Variants in GPAT4 observed in about 807,000 individuals in gnomAD.
GPAT4 encodes the protein 1-AGP acyltransferase 6.
In GPAT4, 17 loss-of-function variants were observed where a neutral mutation model predicts 58.0. The observed-to-expected ratio is 0.29, with a 90% CI of 0.20 to 0.44. The LOEUF (loss-of-function observed/expected upper bound fraction) is 0.44, where lower values mean the gene tolerates loss of function less well. Ranked by LOEUF, GPAT4 falls within the 20% of genes least tolerant of loss-of-function variation. The probability of loss-of-function intolerance (pLI) is 1.00; values close to 1 mark genes in which losing one functional copy is unlikely to be tolerated. For missense variants in GPAT4, 377 were observed against 574.5 expected (o/e 0.66, Z 3.51); for synonymous variants, 204 against 210.1 (o/e 0.97, Z 0.25).
At chr8:41,590,834 C>T (rs146047293) in intron 1 of GPAT4, among the ~76,000 whole-genome samples, 27 of 152,332 alleles carry the variant, frequency 1.8e-4, no homozygotes, top group African/African-American at 5.5e-4. Flanking sequence ...GGGTCTGCAG[C>T]TACCTCTCTC....
intron 6 of GPAT4, 41 bp from the exon 7 acceptor site, chr8:41,612,139 T>G: frequency 6.2e-7 from 1 of 1,602,594 alleles, no homozygotes; most frequent in Non-Finnish European, 8.6e-7. Context: ...ATGAACTGTT[T>G]CACACTAATT....
At chr8:41,618,549 A>G in intron 10 of GPAT4, 135 bp from the exon 11 acceptor site, 1 of 1,114,470 alleles carries the variant, frequency 9.0e-7, no homozygotes, top group Non-Finnish European at 1.3e-6. Context: ...GGGCTTCCAC[A>G]GTACTCATGC....
chr8:41,603,337 G>C (rs934462452), intron 2 of GPAT4, among the ~76,000 whole-genome samples: 1 of 152,046 alleles, frequency 6.6e-6, no homozygotes, highest in Admixed American at 6.5e-5. Context: ...GACCAGCCTG[G>C]TCAACATTGT....
chr8:41,624,260 G>A lies in GPAT4; in HGVS notation c.*3259G>A, dbSNP rs1468431199. ...GCCTTTCAGAGAAGAGGCTTGATGT[G>A]TGAGGGGTCAGGGGGAGTGCTCCAG... On this transcript the variant is annotated 3_prime_UTR_variant, in exon 13 of 13. Transcript: ENST00000396987. The A allele has an allele frequency of 6.6e-6, 1 of 152,292 alleles. No homozygotes were observed. The highest frequency in any genetic ancestry group is 2.4e-5 in the African/African-American group (1 of 41,466). The allele number at this position is 152,292 out of a possible 1,614,324, so 9.4% of individuals were successfully genotyped here.
chr8:41,595,687 A>G (rs533452579), intron 1 of GPAT4, among the ~76,000 whole-genome samples: 222 of 151,910 alleles, frequency 1.5e-3, no homozygotes, highest in African/African-American at 4.6e-3. Context: ...AACTACTTGT[A>G]TATCTCTTTC....
rs766200778 is a variant in GPAT4, at chr8:41,614,456, G to A, written c.967+15G>A. The A allele has an allele frequency of 9.9e-6, 16 of 1,613,952 alleles. No homozygotes were observed. The South Asian group carries it at 1.8e-4, about 18-fold the overall frequency. On this transcript the variant is annotated intron_variant, in intron 9 of 12. Transcript: ENST00000396987. ...CTTCCCAGAAGGTAAGAAGGGGTTG[G>A]TTGCCACGAAGGGCTTCTGTGGGGA...
intron 8 of GPAT4, among the ~76,000 whole-genome samples, chr8:41,613,962 G>A (rs1326542212): frequency 6.6e-6 from 1 of 152,208 alleles, no homozygotes; most frequent in Non-Finnish European, 1.5e-5. Context: ...CTTCCATAGA[G>A]ACAGATGAAC....
intron 5 of GPAT4, 109 bp downstream of exon 5, chr8:41,610,919 T>G (rs1803422794): frequency 6.0e-6 from 7 of 1,160,102 alleles, no homozygotes; most frequent in Non-Finnish European, 7.1e-6. Flanking sequence ...CCATGGAATC[T>G]TAGATGGATT....
rs755553924 is a variant in GPAT4 at position 41,614,380 on chromosome 8, T to C, written c.912-6T>C. 4.7e-5 allele frequency: 76 copies of C among 1,613,524 alleles called. No homozygotes were observed. The highest frequency in any genetic ancestry group is 6.3e-5 in the Non-Finnish European group (74 of 1,179,708). The stretch of plus-strand genomic sequence containing the variant: ...TGACCCTTTATTTTATTTTCTTCTT[T>C]GAAAGACTGACTGAACATGTGCAAG... On this transcript the variant is annotated splice_polypyrimidine_tract_variant and splice_region_variant and intron_variant, in intron 8 of 12. Coordinates refer to ENST00000396987, the MANE Select transcript of GPAT4 (RefSeq NM_178819.4).
intron 1 of GPAT4, among the ~76,000 whole-genome samples, chr8:41,593,383 G>A (rs1802844581): frequency 6.6e-6 from 1 of 152,208 alleles, no homozygotes; most frequent in African/African-American, 2.4e-5. Flanking sequence ...CAAAAAGACA[G>A]TTTTAACTTT....
intron 1 of GPAT4, among the ~76,000 whole-genome samples, chr8:41,593,600 A>G (rs1802850151): frequency 6.6e-6 from 1 of 152,126 alleles, no homozygotes; most frequent in Non-Finnish European, 1.5e-5. Flanking sequence ...CTCGGGTGTG[A>G]TGAGTCCATC....
At chr8:41,587,640 A>G (rs1802690709) in intron 1 of GPAT4, among the ~76,000 whole-genome samples, 2 of 152,306 alleles carry the variant, frequency 1.3e-5, no homozygotes, top group Middle Eastern at 6.8e-3. Context: ...TGCGCACTGC[A>G]CTAGATGCCA....
At chr8:41,604,914 G>C (rs1803216923) in intron 2 of GPAT4, among the ~76,000 whole-genome samples, 1 of 152,166 alleles carries the variant, frequency 6.6e-6, no homozygotes, top group Non-Finnish European at 1.5e-5. Flanking sequence ...TTTAGAGAGT[G>C]GGAGTATTAA....
At chr8:41,578,674 C>G (rs1802429893) in intron 1 of GPAT4, 1 of 152,320 alleles carries the variant, frequency 6.6e-6, no homozygotes, top group Admixed American at 6.5e-5. Context: ...CCCTGTCATT[C>G]CCCTTCCTGT....
Position 41,607,277 on chromosome 8 carries a change from G to A in GPAT4, c.166-2139G>A, listed in dbSNP as rs574957054. ...GGGCAATTTTTTCCTAAACACAGAC[G>A]TGTTTTGTCATGTTCCTGAAATTAA... On this transcript the variant is annotated intron_variant, in intron 2 of 12. Coordinates refer to ENST00000396987, the MANE Select transcript of GPAT4 (RefSeq NM_178819.4). 1.0e-3 allele frequency among the ~76,000 whole-genome samples: 158 copies of A among 152,172 alleles called. 1 individual carries two copies. The highest frequency in any genetic ancestry group is 2.1e-3 in the Non-Finnish European group (141 of 68,012).
At chr8:41,612,359 A>T (rs1381054759) in intron 7 of GPAT4, 86 bp downstream of exon 7, 1 of 1,366,634 alleles carries the variant, frequency 7.3e-7, no homozygotes, top group Non-Finnish European at 1.0e-6. Flanking sequence ...CCCTTCACAT[A>T]AACACATTTA....
chr8:41,617,918 TC>T (rs545441520), intron 10 of GPAT4, among the ~76,000 whole-genome samples: 6 of 152,230 alleles, frequency 3.9e-5, no homozygotes, highest in Non-Finnish European at 8.8e-5. Context: ...TTGCGCAACT[TC>T]CTCTAGAGCT....
At chr8:41,586,152 A>G (rs1272129689) in intron 1 of GPAT4, among the ~76,000 whole-genome samples, 4 of 148,824 alleles carry the variant, frequency 2.7e-5, no homozygotes, top group East Asian at 4.0e-4. Context: ...AGATTTGCCT[A>G]TTTTGTATAA....
Position 41,619,300 on chromosome 8 carries a change from G to C in GPAT4, c.1262+323G>C, listed in dbSNP as rs189114453. ...ATCTGAAAACTTCAAGAAGGAAGGA[G>C]GACTTTCCCAGGTCCCAGTGTATCT... On this transcript the variant is annotated intron_variant, in intron 12 of 12. Transcript: ENST00000396987. 1.1e-3 allele frequency: 419 copies of C among 366,212 alleles called. 3 individuals are homozygous for C. The highest frequency in any genetic ancestry group is 7.7e-3 in the African/African-American group (380 of 49,118). 22.7% of individuals were successfully genotyped at this position (366,212 alleles called of 1,614,324 possible).
Sources: allele counts gnomAD v4.1 joint callset (sites outside exome capture counted in the v4.1 genomes callset), GRCh38; gene constraint gnomAD v4.1.1; transcripts MANE v1.5; gene names NCBI Gene and HGNC (gene_info 2026-07-23, HGNC 2026-07-21).